CELSR3: variants seen among roughly 807,000 people sequenced by gnomAD.
CELSR3 encodes EGF-like protein 1.
CELSR3 carries 73 observed loss-of-function variants against 270.0 expected under a neutral mutation model. That is an observed-to-expected ratio of 0.27 (90% CI 0.22 to 0.33). The LOEUF is 0.33. Among genes scored for constraint, CELSR3 ranks in the 10% least tolerant of loss-of-function variants. The pLI, the probability that CELSR3 is intolerant of heterozygous loss-of-function variation, is 1.00. For missense variants in CELSR3, 3,614 were observed against 4,533.8 expected (o/e 0.80, Z 5.83); for synonymous variants, 1,780 against 1,905.4 (o/e 0.93, Z 1.71).
Position 48,640,426 on chromosome 3 carries a change from G to A in CELSR3, c.9159C>T (p.Gly3053=), listed in dbSNP as rs372683231. The A allele has an allele frequency of 1.0e-4, 169 of 1,612,624 alleles. No homozygotes were observed. Among genetic ancestry groups the A allele is most frequent in the Admixed American group, 9.8e-4 (59 of 60,022 alleles). Residue 3053 remains glycine, a synonymous_variant, in exon 34 of 35, where the codon GGC becomes GGT. Transcript: ENST00000164024. This position sits in a 1 kb window ranked among gnomAD's most constrained non-coding sequence, Gnocchi z 7.5. ...GCTGTGAAAGGCTGCCCGTGCCCCC[G>A]CCAGCATAGATGCGACCGTAAGAGG... ...PAASYGRIYA[G]GGTGSLSQPA...
In CELSR3 at chr3:48,650,294, C is replaced by T; in HGVS notation, c.6472+186G>A. The T allele has an allele frequency of 1.4e-6, 1 of 694,656 alleles. No homozygotes were observed. Among genetic ancestry groups the T allele is most frequent in the African/African-American group, 1.8e-5 (1 of 57,026 alleles). The allele number at this position is 694,656 out of a possible 1,614,324, so 43.0% of individuals were successfully genotyped here. On this transcript the variant is annotated intron_variant, in intron 16 of 34. Transcript: ENST00000164024. This position sits in a 1 kb window ranked among gnomAD's most constrained non-coding sequence, Gnocchi z 5.1. ...CCTTACCTGCACCCCGCAATCCTGC[C>T]CAGAAGCCAAGAGAAACAGATGGAG...
chr3:48,647,945 C>A lies in CELSR3; in HGVS notation c.7025G>T (p.Arg2342Leu). 1 of 1,612,080 alleles carries A rather than the reference C, an allele frequency of 6.2e-7. No individual in the cohort carries two copies. Among genetic ancestry groups the A allele is most frequent in the Non-Finnish European group, 8.5e-7 (1 of 1,179,692 alleles). ...EHPSSPRGAR[R>L]YPRYHSNLFR... ...GAGGTTGCTATGGTAGCGAGGGTAG[C>A]GACGGGCCCCCCGGGGAGAACTGGG... Residue 2342 changes from arginine (R) to leucine (L), a missense_variant, in exon 20 of 35, where the codon CGC becomes CTC. Physicochemically the swap from Arg to Leu is moderately radical, Grantham distance 102. Transcript: ENST00000164024.
chr3:48,657,184 T>C lies in CELSR3; in HGVS notation c.3913A>G (p.Thr1305Ala). 1 of 1,613,832 alleles carries C rather than the reference T, an allele frequency of 6.2e-7. No individual in the cohort carries two copies. Among genetic ancestry groups the C allele is most frequent in the Non-Finnish European group, 8.5e-7 (1 of 1,179,908 alleles). Reference protein sequence around the residue: ...FLEGVAAVLATPAEDVFIFNI... With the variant: ...FLEGVAAVLAAPAEDVFIFNI... ...AAGATGAAGACGTCCTCAGCGGGCGTAGCGAGCACCGCAGCCACGCCCTCG... is the reference window on the plus strand; with the variant it reads ...AAGATGAAGACGTCCTCAGCGGGCGCAGCGAGCACCGCAGCCACGCCCTCG... The change falls in exon 2 of 35, where the codon ACG becomes GCG. Residue 1305 changes from threonine (T) to alanine (A), a missense_variant. Thr to Ala is a moderately conservative substitution (Grantham distance 58, BLOSUM62 0). This residue lies in a region of CELSR3 where 1,331 missense variants were observed against 1,933.7 expected (regional missense o/e 0.69). Coordinates refer to ENST00000164024, the MANE Select transcript of CELSR3 (RefSeq NM_001407.3). This position sits in a 1 kb window ranked among gnomAD's most constrained non-coding sequence, Gnocchi z 5.4.
In CELSR3 at chr3:48,661,313, G is replaced by T; in HGVS notation, c.1322C>A (p.Thr441Asn). 6.2e-7 allele frequency: 1 copy of T among 1,613,412 alleles called. No homozygotes were observed. The highest frequency in any genetic ancestry group is 8.5e-7 in the Non-Finnish European group (1 of 1,179,866). The stretch of plus-strand genomic sequence containing the variant: ...GCCCTCCTCCACATTCTCGCGAAGG[G>T]TCTCCCGGTACTGCGCTTGCTCAAA... ...PVFEQAQYRE[T>N]LRENVEEGYP... Residue 441 changes from threonine to asparagine, a missense_variant, in exon 1 of 35, where the codon ACC (threonine) becomes AAC (asparagine). Transcript: ENST00000164024.
rs2077049304 is a variant in CELSR3, at chr3:48,659,366, G to A, written c.3269C>T (p.Thr1090Ile). ...GGGGCCTTCGTCAGGGTCCACTGCA[G>A]TGATCTGGGCCACCACTGAGCCCAC... The part of the protein sequence containing the change: ...SIVGSVVAQI[T>I]AVDPDEGPNA... Residue 1090 changes from threonine (T) to isoleucine (I), a missense_variant, in exon 1 of 35, where the codon ACT becomes ATT. Coordinates refer to ENST00000164024, the MANE Select transcript of CELSR3 (RefSeq NM_001407.3). This position sits in a 1 kb window ranked among gnomAD's most constrained non-coding sequence, Gnocchi z 8.1. 6.2e-7 allele frequency: 1 copy of A among 1,614,072 alleles called. No individual in the cohort carries two copies. The highest frequency in any genetic ancestry group is 1.3e-5 in the African/African-American group (1 of 74,918).
At chr3:48,656,066 GCAGT>G (rs2047177980) in intron 3 of CELSR3, 70 bp downstream of exon 3, 1 of 1,416,704 alleles carries the variant, frequency 7.1e-7, no homozygotes, top group Non-Finnish European at 9.6e-7. Context: ...CCAGGACGGG[GCAGT>G]CAGGAATCTG....
At position 48,656,742 on chromosome 3, in the gene CELSR3, C is replaced by A; in HGVS notation, c.4355G>T (p.Arg1452Leu). The change falls in exon 2 of 35, where the codon CGG becomes CTG. Residue 1452 changes from arginine to leucine, a missense_variant. Arg to Leu is a moderately radical substitution (Grantham distance 102). Coordinates refer to ENST00000164024, the MANE Select transcript of CELSR3 (RefSeq NM_001407.3). Reference sequence around the variant, plus strand: ...GACGCACGTGTAGCCTCCCTCGCGCCGCGCGCAGGCTCCGCCGTTGCGACA... The same window carrying A: ...GACGCACGTGTAGCCTCCCTCGCGCAGCGCGCAGGCTCCGCCGTTGCGACA... ...NPCRNGGACA[R>L]REGGYTCVCR... 6.5e-7 allele frequency: 1 copy of A among 1,530,358 alleles called. No individual in the cohort carries two copies. The highest frequency in any genetic ancestry group is 2.0e-5 in the Admixed American group (1 of 49,728). The allele number at this position is 1,530,358 out of a possible 1,614,324, so 94.8% of individuals were successfully genotyped here.
At position 48,660,456 on chromosome 3, in the gene CELSR3, C is replaced by T; in HGVS notation, c.2179G>A (p.Glu727Lys). 1.9e-6 allele frequency: 3 copies of T among 1,614,116 alleles called. No homozygotes were observed. The highest frequency in any genetic ancestry group is 1.7e-6 in the Non-Finnish European group (2 of 1,180,044). ...GGGGGTGAGCCATGGTCTCGAGCCT[C>T]CACACCAAAGAAGTAATGCTCCACA... ...ESVEHYFFGV[E>K]ARDHGSPPLS... is the part of the protein sequence containing the mutation. The change falls in exon 1 of 35, where the codon GAG (glutamate) becomes AAG (lysine). Residue 727 changes from glutamate (E) to lysine (K), a missense_variant. Physicochemically the swap from Glu to Lys is moderately conservative, Grantham distance 56 (BLOSUM62 1). Transcript: ENST00000164024. This position sits in a 1 kb window ranked among gnomAD's most constrained non-coding sequence, Gnocchi z 5.5.
rs1359854099 is a variant in CELSR3 at position 48,640,566 on chromosome 3, G to A, written c.9026-7C>T. The A allele has an allele frequency of 6.4e-7, 1 of 1,563,090 alleles. No individual in the cohort carries two copies. Among genetic ancestry groups the A allele is most frequent in the Admixed American group, 1.8e-5 (1 of 54,606 alleles). ...AACCGGTTCTTCAGGATGCCTGTGA[G>A]AGGAAGAAAATGGGGGGCAGGGTTT... On this transcript the variant is annotated splice_region_variant and splice_polypyrimidine_tract_variant and intron_variant, in intron 33 of 34. Coordinates refer to ENST00000164024, the MANE Select transcript of CELSR3 (RefSeq NM_001407.3). This position sits in a 1 kb window ranked among gnomAD's most constrained non-coding sequence, Gnocchi z 7.5.
rs528283392 is a variant in CELSR3, at chr3:48,640,464, C to T, written c.9121G>A (p.Ala3041Thr). 1.2e-6 allele frequency: 2 copies of T among 1,612,400 alleles called. No homozygotes were observed. The highest frequency in any genetic ancestry group is 3.3e-5 in the Admixed American group (2 of 60,016). ...WCRAATLGHRAVPAASYGRIY... is the reference protein window; with the variant it reads ...WCRAATLGHRTVPAASYGRIY... ...CGACCGTAAGAGGCAGCTGGCACAGCACGGTGGCCCAAGGTGGCTGCACGG... is the reference window on the plus strand; with the variant it reads ...CGACCGTAAGAGGCAGCTGGCACAGTACGGTGGCCCAAGGTGGCTGCACGG... The change falls in exon 34 of 35, where the codon GCT (alanine) becomes ACT (threonine). Residue 3041 changes from alanine to threonine, a missense_variant. Physicochemically the swap from Ala to Thr is moderately conservative, Grantham distance 58 (BLOSUM62 0). Transcript: ENST00000164024. The surrounding 1 kb of genome is among the most constrained non-coding windows in gnomAD (Gnocchi z 7.5).
chr3:48,642,149 G>T lies in CELSR3; in HGVS notation c.8666-140C>A. The T allele has an allele frequency of 1.1e-6, 1 of 898,566 alleles. No individual in the cohort carries two copies. The highest frequency in any genetic ancestry group is 1.6e-6 in the Non-Finnish European group (1 of 608,246). The allele number at this position is 898,566 out of a possible 1,614,324, so 55.7% of individuals were successfully genotyped here. A position where few individuals can be genotyped will look rare whatever the true frequency, so the allele number is the denominator to read the frequency against. On this transcript the variant is annotated intron_variant, in intron 31 of 34. Coordinates refer to ENST00000164024, the MANE Select transcript of CELSR3 (RefSeq NM_001407.3). This position sits in a 1 kb window ranked among gnomAD's most constrained non-coding sequence, Gnocchi z 6.1. The stretch of plus-strand genomic sequence containing the variant: ...ACCGGGGCTTGAAGTGGAGGTAGCA[G>T]CAGAAGGGCTGGGACTTATCAGAGG...
Position 48,662,311 on chromosome 3 carries a change from C to T in CELSR3, c.324G>A (p.Glu108=), listed in dbSNP as rs78250045. ...GCTGGACGCCGTGTTCAATCCCCAG[C>T]TCCTCATTCGGCTGCTCAGGGGGCC... The part of the protein sequence containing the change: ...SRGPPEQPNE[E]LGIEHGVQPL... The change falls in exon 1 of 35, where the codon GAG becomes GAA. Residue 108 remains glutamate, a synonymous_variant. Transcript: ENST00000164024. This position sits in a 1 kb window ranked among gnomAD's most constrained non-coding sequence, Gnocchi z 7.1. The T allele has an allele frequency of 9.4e-5, 152 of 1,613,100 alleles. 1 individual carries two copies. In the East Asian group the frequency reaches 3.3e-3, roughly 35 times the overall value.
chr3:48,650,432 C>CCGGGGGGGGGGGGGGG lies in CELSR3; in HGVS notation c.6472+47_6472+48insCCCCCCCCCCCCCCCG. ...AGACATGGCTCTAGCAGTCAGAGTA[C>CCGGGGGGGGGGGGGGG]AGGCCCACCCCCACCCTCAGTGATG... On this transcript the variant is annotated intron_variant, in intron 16 of 34. Coordinates refer to ENST00000164024, the MANE Select transcript of CELSR3 (RefSeq NM_001407.3). This position sits in a 1 kb window ranked among gnomAD's most constrained non-coding sequence, Gnocchi z 5.1. 8.3e-7 allele frequency: 1 copy of CCGGGGGGGGGGGGGGG among 1,208,942 alleles called. No individual in the cohort carries two copies. The highest frequency in any genetic ancestry group is 1.2e-6 in the Non-Finnish European group (1 of 844,582). The allele number at this position is 1,208,942 out of a possible 1,614,324, so 74.9% of individuals were successfully genotyped here.
At position 48,640,588 on chromosome 3, in the gene CELSR3, G is replaced by A. The variant is rs2047016970; in HGVS notation, c.9026-29C>T. 1 of 1,515,854 alleles carries A rather than the reference G, an allele frequency of 6.6e-7. No individual in the cohort carries two copies. Among genetic ancestry groups the A allele is most frequent in the South Asian group, 1.3e-5 (1 of 79,318 alleles). The allele number at this position is 1,515,854 out of a possible 1,614,324, so 93.9% of individuals were successfully genotyped here. ...TGAGAGGAAGAAAATGGGGGGCAGG[G>A]TTTGTGTGGGAGGGGGAGGGCAGGC... is the stretch of plus-strand genomic sequence containing the variant. On this transcript the variant is annotated intron_variant, in intron 33 of 34. Coordinates refer to ENST00000164024, the MANE Select transcript of CELSR3 (RefSeq NM_001407.3). This position sits in a 1 kb window ranked among gnomAD's most constrained non-coding sequence, Gnocchi z 7.5.
chr3:48,644,581 G>A lies in CELSR3; in HGVS notation c.8085+135C>T, dbSNP rs1183228751. 1 of 727,822 alleles carries A rather than the reference G, an allele frequency of 1.4e-6. No individual in the cohort carries two copies. Among genetic ancestry groups the A allele is most frequent in the Non-Finnish European group, 2.3e-6 (1 of 428,490 alleles). The allele number at this position is 727,822 out of a possible 1,614,324, so 45.1% of individuals were successfully genotyped here. On this transcript the variant is annotated intron_variant, in intron 26 of 34. Transcript: ENST00000164024. The surrounding 1 kb of genome is among the most constrained non-coding windows in gnomAD (Gnocchi z 4.8). ...GTTGAATGGGGGTGGCTACTGACCA[G>A]AGGACAGAAAAAATGAAGGCCGAGC...
Position 48,646,015 on chromosome 3 carries a change from A to AG in CELSR3, c.7463+74dup. ...GCACAACAGCACTAGTGGGGGCCCC[A>AG]GGGGAAGGCTGGGACTATTAGTTGG... On this transcript the variant is annotated intron_variant, in intron 22 of 34. Coordinates refer to ENST00000164024, the MANE Select transcript of CELSR3 (RefSeq NM_001407.3). The surrounding 1 kb of genome is among the most constrained non-coding windows in gnomAD (Gnocchi z 4.8). 3.8e-6 allele frequency: 6 copies of AG among 1,589,164 alleles called. No individual in the cohort carries two copies. The South Asian group carries it at 6.7e-5, about 18-fold the overall frequency.
chr3:48,657,127 T>C lies in CELSR3; in HGVS notation c.3970A>G (p.Thr1324Ala). ...GCCGAGAAACTCACATTGAGCACGG[T>C]GCCCCCTACGTCTGTGTCGTTCTGG... ...NIQNDTDVGG[T>A]VLNVSFSALA... The change falls in exon 2 of 35, where the codon ACC (threonine) becomes GCC (alanine). Residue 1324 changes from threonine to alanine, a missense_variant. Coordinates refer to ENST00000164024, the MANE Select transcript of CELSR3 (RefSeq NM_001407.3). This position sits in a 1 kb window ranked among gnomAD's most constrained non-coding sequence, Gnocchi z 5.4. The C allele has an allele frequency of 6.2e-7, 1 of 1,613,934 alleles. No homozygotes were observed. The highest frequency in any genetic ancestry group is 8.5e-7 in the Non-Finnish European group (1 of 1,179,956).
chr3:48,655,929 G>A lies in CELSR3; in HGVS notation c.4626-78C>T. 1.6e-6 allele frequency: 2 copies of A among 1,268,090 alleles called. No homozygotes were observed. Among genetic ancestry groups the A allele is most frequent in the South Asian group, 2.6e-5 (2 of 77,912 alleles). The allele number at this position is 1,268,090 out of a possible 1,614,324, so 78.6% of individuals were successfully genotyped here. On this transcript the variant is annotated intron_variant, in intron 3 of 34. Coordinates refer to ENST00000164024, the MANE Select transcript of CELSR3 (RefSeq NM_001407.3). This position sits in a 1 kb window ranked among gnomAD's most constrained non-coding sequence, Gnocchi z 5.8. ...CACTTCACACCCACCATCCCTGCGA[G>A]GAGAAGGGGCTGGGGCGAGAGAGGA...
chr3:48,652,859 G>A lies in CELSR3; in HGVS notation c.5634+143C>T, dbSNP rs1233947272. On this transcript the variant is annotated intron_variant, in intron 10 of 34. Transcript: ENST00000164024. The surrounding 1 kb of genome is among the most constrained non-coding windows in gnomAD (Gnocchi z 4.3). ...GGCTGGTGGGTGGGCTCAGTGCAAG[G>A]ATATATGGTGGGGAACTAGGGGTAG... The A allele has an allele frequency of 2.5e-6, 2 of 784,964 alleles. No individual in the cohort carries two copies. The highest frequency in any genetic ancestry group is 4.2e-6 in the Non-Finnish European group (2 of 472,526). 48.6% of individuals were successfully genotyped at this position (784,964 alleles called of 1,614,324 possible). A position where few individuals can be genotyped will look rare whatever the true frequency, so the allele number is the denominator to read the frequency against.
Sources: gnomAD v4.1 joint callset for allele counts on GRCh38, gnomAD v4.1.1 for gene constraint, gnomAD v4.1.1 regional missense constraint, Gnocchi (gnomAD v3.1) non-coding constraint, MANE v1.5 for transcripts, NCBI Gene and HGNC (gene_info 2026-07-23, HGNC 2026-07-21) for gene names.